The following SCHIP1 variants were observed in gnomAD, a reference collection of about 807,000 sequenced individuals.
The protein encoded by SCHIP1 is schwannomin interacting protein 1, also known as schwannomin-interacting protein 1.
A neutral mutation model predicts 29.7 loss-of-function variants in SCHIP1; 8 were observed. The observed-to-expected ratio is 0.27, with a 90% confidence interval of 0.16 to 0.49. The LOEUF (loss-of-function observed/expected upper bound fraction) is 0.49, where lower values mean the gene tolerates loss of function less well. Among genes scored for constraint, SCHIP1 ranks in the 20% least tolerant of loss-of-function variants. The pLI is 0.99. For missense variants in SCHIP1, 193 were observed against 294.6 expected (o/e 0.66, Z 2.52); for synonymous variants, 76 against 94.9 (o/e 0.80, Z 1.16).
At chr3:159,289,406 C>CTTATTTATTTAT in the SCHIP1 span, among the ~76,000 whole-genome samples, 1 of 150,098 alleles carries the variant, frequency 6.7e-6, no homozygotes, top group Non-Finnish European at 1.5e-5. Flanking sequence ...ACATAAAGCT[C>CTTATTTATTTAT]TTATTTATTT....
the SCHIP1 span, among the ~76,000 whole-genome samples, chr3:159,476,428 G>T: frequency 9.2e-5 from 14 of 152,070 alleles, no homozygotes; most frequent in African/African-American, 3.4e-4. Flanking sequence ...TCTTGTAAAA[G>T]AATTTTCATT....
the SCHIP1 span, among the ~76,000 whole-genome samples, chr3:159,607,497 C>G: frequency 9.2e-5 from 14 of 152,070 alleles, no homozygotes; most frequent in Admixed American, 6.6e-5. Flanking sequence ...GTTGTTCTTG[C>G]TGGTAAAATG....
At chr3:159,777,638 T>C in the SCHIP1 span, among the ~76,000 whole-genome samples, 2 of 152,184 alleles carry the variant, frequency 1.3e-5, no homozygotes, top group African/African-American at 4.8e-5. Context: ...GAAGAACTCC[T>C]TAAGAACAGA....
At chr3:159,668,087 C>T in the SCHIP1 span, among the ~76,000 whole-genome samples, 1 of 152,136 alleles carries the variant, frequency 6.6e-6, no homozygotes, top group African/African-American at 2.4e-5. Context: ...GAGTGAGTCC[C>T]GGCCAGGTAC....
chr3:159,823,777 C>T, the SCHIP1 span, among the ~76,000 whole-genome samples: 2 of 152,294 alleles, frequency 1.3e-5, no homozygotes, highest in Admixed American at 6.5e-5. Flanking sequence ...ATGTGACCTC[C>T]GTAGGCTTTG....
chr3:159,628,311 G>C, the SCHIP1 span, among the ~76,000 whole-genome samples: 1 of 152,176 alleles, frequency 6.6e-6, no homozygotes, highest in South Asian at 2.1e-4. Flanking sequence ...GTTTGCTCCT[G>C]TCTGACAGAA....
At chr3:159,456,482 T>C in the SCHIP1 span, among the ~76,000 whole-genome samples, 1 of 152,254 alleles carries the variant, frequency 6.6e-6, no homozygotes, top group East Asian at 1.9e-4. Flanking sequence ...GAAAAAGAGA[T>C]CTTACAAGAA....
At chr3:159,736,465 C>T in the SCHIP1 span, among the ~76,000 whole-genome samples, 2 of 152,212 alleles carry the variant, frequency 1.3e-5, no homozygotes, top group Non-Finnish European at 2.9e-5. Context: ...TCTCTTGATA[C>T]ATCTTTGACT....
the SCHIP1 span, among the ~76,000 whole-genome samples, chr3:159,418,235 A>G: frequency 6.6e-6 from 1 of 152,170 alleles, no homozygotes; most frequent in Non-Finnish European, 1.5e-5. Flanking sequence ...TAGTTAATTC[A>G]TCCTCTGTTG....
chr3:159,328,070 C>T, the SCHIP1 span, among the ~76,000 whole-genome samples: 2 of 152,198 alleles, frequency 1.3e-5, no homozygotes, highest in Non-Finnish European at 2.9e-5. Context: ...TATAGCCTTA[C>T]AGCTGTACCA....
the SCHIP1 span, among the ~76,000 whole-genome samples, chr3:159,532,751 T>C: frequency 6.6e-6 from 1 of 152,150 alleles, no homozygotes; most frequent in Non-Finnish European, 1.5e-5. Flanking sequence ...AAATGCCCCC[T>C]GTGGTCTGAA....
At chr3:159,605,537 C>T in the SCHIP1 span, among the ~76,000 whole-genome samples, 1 of 151,998 alleles carries the variant, frequency 6.6e-6, no homozygotes, top group African/African-American at 2.4e-5. Context: ...GCAAGGTCAC[C>T]CAGATAGTTA....
the SCHIP1 span, among the ~76,000 whole-genome samples, chr3:159,432,339 TGA>T: frequency 4.6e-3 from 318 of 69,336 alleles, 2 homozygotes; most frequent in Middle Eastern, 8.5e-3. Flanking sequence ...TGTGTGTGTG[TGA>T]GAGAGAGAGA....
the SCHIP1 span, among the ~76,000 whole-genome samples, chr3:159,787,075 T>C: frequency 6.6e-6 from 1 of 152,182 alleles, no homozygotes; most frequent in Non-Finnish European, 1.5e-5. Context: ...ATCTTATTTT[T>C]GTCCTCTCAA....
chr3:159,542,723 C>T, the SCHIP1 span, among the ~76,000 whole-genome samples: 1 of 151,952 alleles, frequency 6.6e-6, no homozygotes, highest in Non-Finnish European at 1.5e-5. Flanking sequence ...TATATCCTCT[C>T]ACAAAGGAAT....
At chr3:159,531,816 T>C in the SCHIP1 span, among the ~76,000 whole-genome samples, 2 of 152,172 alleles carry the variant, frequency 1.3e-5, no homozygotes, top group African/African-American at 4.8e-5. Context: ...TTTGCCCCAT[T>C]TTTTAAGCAT....
the SCHIP1 span, chr3:159,273,849 C>G: frequency 1.2e-6 from 2 of 1,613,488 alleles, no homozygotes; most frequent in Non-Finnish European, 1.7e-6. Context: ...CGTGTTACAA[C>G]GTGGGACTGT....
At chr3:159,541,669 T>C in the SCHIP1 span, among the ~76,000 whole-genome samples, 50,822 of 151,906 alleles carry the variant, frequency 0.33, 8,675 homozygotes, top group South Asian at 0.52. Context: ...GTTCCTTAAT[T>C]GAACAAAATT....
the SCHIP1 span, among the ~76,000 whole-genome samples, chr3:159,738,710 G>GGA: frequency 5.6e-4 from 85 of 152,230 alleles, no homozygotes; most frequent in Admixed American, 3.4e-3. Context: ...ATTCCAGAGA[G>GGA]GAGAGAGAGA....
Sources: allele counts gnomAD v4.1 joint callset (sites outside exome capture counted in the v4.1 genomes callset), GRCh38; gene constraint gnomAD v4.1.1; transcripts MANE v1.5; gene names NCBI Gene and HGNC (gene_info 2026-07-23, HGNC 2026-07-21).